HERC3: variants seen among roughly 807,000 people sequenced by gnomAD.
HERC3 encodes HECT and RLD domain containing E3 ubiquitin protein ligase 3.
Under a neutral mutation model 129.9 loss-of-function variants are expected in HERC3, and 58 were observed. The ratio of observed to expected loss-of-function variants is 0.45; its 90% CI spans 0.36 to 0.56. The LOEUF (loss-of-function observed/expected upper bound fraction) is 0.56. HERC3 is among the 20% of genes least tolerant of loss of function. The pLI is 0.00. For synonymous variants in HERC3, 430 were observed against 451.0 expected (o/e 0.95, Z 0.59); for missense variants, 835 against 1,244.2 (o/e 0.67, Z 4.95).
intron 3 of HERC3, among the ~76,000 whole-genome samples, chr4:88,637,887 G>A (rs3017894): frequency 0.053 from 8,057 of 151,922 alleles, 562 homozygotes; most frequent in East Asian, 0.27. Context: ...AATTGACACA[G>A]TAAAAAACAA....
At chr4:88,635,202 C>T (rs942086861) in intron 3 of HERC3, among the ~76,000 whole-genome samples, 6 of 151,970 alleles carry the variant, frequency 3.9e-5, no homozygotes, top group East Asian at 1.9e-4. Context: ...CAACAAACTT[C>T]GCTGAGGTAA....
intron 3 of HERC3, among the ~76,000 whole-genome samples, chr4:88,637,332 G>A (rs773977979): frequency 2.0e-5 from 3 of 150,998 alleles, no homozygotes; most frequent in Non-Finnish European, 4.4e-5. Context: ...AGGCTGAGGC[G>A]GGAGAATGGC....
At chr4:88,579,469 G>A in the HERC3 span, among the ~76,000 whole-genome samples, 1 of 152,046 alleles carries the variant, frequency 6.6e-6, no homozygotes, top group Non-Finnish European at 1.5e-5. Context: ...AGTAAACTAG[G>A]TTCAGGGCCT....
intron 3 of HERC3, among the ~76,000 whole-genome samples, chr4:88,644,078 AAATACCATTATACTTGTTAG>A (rs1293242028): frequency 6.6e-6 from 1 of 152,220 alleles, no homozygotes; most frequent in Non-Finnish European, 1.5e-5. Flanking sequence ...AACCGTAATG[AAATACCATTATACTTGTTAG>A]AATGGGTAAA....
intron 3 of HERC3, among the ~76,000 whole-genome samples, chr4:88,610,968 G>A (rs76014371): frequency 0.16 from 23,933 of 152,114 alleles, 1,942 homozygotes; most frequent in East Asian, 0.2. Flanking sequence ...TCCTGCAGAC[G>A]CCCTCCCCAC....
At chr4:88,623,652 T>C (rs1176954595) in intron 3 of HERC3, among the ~76,000 whole-genome samples, 1 of 152,206 alleles carries the variant, frequency 6.6e-6, no homozygotes, top group Non-Finnish European at 1.5e-5. Context: ...TCAGTACGTA[T>C]GTCTTGTTTT....
chr4:88,531,209 A>T, the HERC3 span, among the ~76,000 whole-genome samples: 1,336 of 151,498 alleles, frequency 8.8e-3, 15 homozygotes, highest in Non-Finnish European at 0.015. Flanking sequence ...AAATTTTTTT[A>T]AAATTTTTTA....
At chr4:88,686,236 A>T (rs1345344695) in intron 21 of HERC3, among the ~76,000 whole-genome samples, 1 of 152,182 alleles carries the variant, frequency 6.6e-6, no homozygotes, top group Non-Finnish European at 1.5e-5. Flanking sequence ...AAGATTGGGC[A>T]CCCCTGGTCT....
chr4:88,704,342 G>A, intron 24 of HERC3, 61 bp downstream of exon 24: 3 of 1,535,240 alleles, frequency 2.0e-6, no homozygotes, highest in Non-Finnish European at 1.8e-6. Flanking sequence ...GCCTGGGGAG[G>A]TGTTCCCAGA....
rs771923445 is a variant in HERC3, at chr4:88,655,215, A to G, written c.819A>G (p.Gln273=). The change falls in exon 8 of 26, where the codon CAA becomes CAG. Residue 273 remains glutamine (Q), a synonymous_variant. Coordinates refer to ENST00000402738, the MANE Select transcript of HERC3 (RefSeq NM_014606.3). ...VFTFGAGSCG[Q]LGHDSMNDEV... is the part of the protein sequence containing the mutation. ...CCTTTGGCGCTGGTTCCTGTGGGCA[A>G]CTTGGACACGACTCCATGAATGATG... 3 of 1,613,960 alleles carry G rather than the reference A, an allele frequency of 1.9e-6. No individual in the cohort carries two copies. Among genetic ancestry groups the G allele is most frequent in the South Asian group, 1.1e-5 (1 of 91,080 alleles).
At chr4:88,683,155 C>T (rs1384725738) in intron 21 of HERC3, among the ~76,000 whole-genome samples, 3 of 152,106 alleles carry the variant, frequency 2.0e-5, no homozygotes, top group Admixed American at 2.0e-4. Flanking sequence ...CCTTTGCCCA[C>T]TTGTTGATGG....
Position 88,680,221 on chromosome 4 carries a change from G to A in HERC3, c.2325G>A (p.Leu775=). ...CCTACTATCAAGATTCAAATCTCTTGTGGTTTTCAGACACGGTAAGTAAGT... is the reference window on the plus strand; with the variant it reads ...CCTACTATCAAGATTCAAATCTCTTATGGTTTTCAGACACGGTAAGTAAGT... ...MFTYYQDSNL[L]WFSDTCFVEH... Residue 775 remains leucine (L), a synonymous_variant, in exon 20 of 26, where the codon TTG becomes TTA. Coordinates refer to ENST00000402738, the MANE Select transcript of HERC3 (RefSeq NM_014606.3). 6.2e-7 allele frequency: 1 copy of A among 1,604,272 alleles called. No homozygotes were observed. The highest frequency in any genetic ancestry group is 8.5e-7 in the Non-Finnish European group (1 of 1,176,302).
chr4:88,539,600 A>G, the HERC3 span, among the ~76,000 whole-genome samples: 3 of 152,192 alleles, frequency 2.0e-5, no homozygotes, highest in African/African-American at 7.2e-5. Flanking sequence ...GAATGGACAG[A>G]CTGCCTCCTC....
At chr4:88,526,870 A>G in the HERC3 span, among the ~76,000 whole-genome samples, 3 of 152,234 alleles carry the variant, frequency 2.0e-5, no homozygotes, top group African/African-American at 7.2e-5. Context: ...TAAAAGTCCT[A>G]TTAATAAATT....
intron 23 of HERC3, among the ~76,000 whole-genome samples, chr4:88,695,001 A>C (rs1734451411): frequency 6.6e-6 from 1 of 152,168 alleles, no homozygotes; most frequent in African/African-American, 2.4e-5. Context: ...CCCAATACTT[A>C]TGCCTCTTAG....
intron 3 of HERC3, among the ~76,000 whole-genome samples, chr4:88,619,532 GAA>G (rs374410923): frequency 6.6e-6 from 1 of 151,924 alleles, no homozygotes; most frequent in Non-Finnish European, 1.5e-5. Context: ...AAAATAATAG[GAA>G]AAAAAATTAG....
chr4:88,578,949 G>C, the HERC3 span, among the ~76,000 whole-genome samples: 6 of 152,136 alleles, frequency 3.9e-5, no homozygotes, highest in Non-Finnish European at 7.3e-5. Flanking sequence ...ATTGTGACTG[G>C]GAACTGTTGA....
the HERC3 span, among the ~76,000 whole-genome samples, chr4:88,566,849 GCA>G: frequency 6.6e-6 from 1 of 152,200 alleles, no homozygotes; most frequent in African/African-American, 2.4e-5. Context: ...GAGTGCAGTG[GCA>G]CAATCACAGT....
Position 88,601,368 on chromosome 4 carries a change from C to T in HERC3, c.-29-4427C>T, listed in dbSNP as rs184522851. ...TTGTTGTCAAGAGAGGTTGAAAGTA[C>T]GAGCTTCCTCTGTGTTGTAATCTTT... On this transcript the variant is annotated intron_variant, in intron 2 of 25. Coordinates refer to ENST00000402738, the MANE Select transcript of HERC3 (RefSeq NM_014606.3). Among the ~76,000 whole-genome samples the T allele has an allele frequency of 5.3e-5, 8 of 152,282 alleles. No individual in the cohort carries two copies. In the East Asian group the frequency reaches 9.6e-4, roughly 18 times the overall value.
Sources: allele counts gnomAD v4.1 joint callset (sites outside exome capture counted in the v4.1 genomes callset), GRCh38; gene constraint gnomAD v4.1.1; transcripts MANE v1.5; gene names NCBI Gene and HGNC (gene_info 2026-07-23, HGNC 2026-07-21).